Variants in ENTPD1 observed in about 807,000 individuals in gnomAD.
The protein encoded by ENTPD1 is ectonucleoside triphosphate diphosphohydrolase 1.
ENTPD1 carries 33 observed loss-of-function variants against 57.0 expected under a neutral mutation model. The ratio of observed to expected loss-of-function variants is 0.58; its 90% CI spans 0.44 to 0.77. The LOEUF is 0.77. Ranked by LOEUF, ENTPD1 falls within the 30% of genes least tolerant of loss-of-function variation. ENTPD1 has a pLI of 0.00. For missense variants in ENTPD1, 501 were observed against 603.4 expected, an observed-to-expected ratio of 0.83 and a Z score of 1.78; for synonymous variants, 202 against 218.8, an observed-to-expected ratio of 0.92 and a Z score of 0.68.
chr10:95,815,973 C>T (rs545410794), intron 1 of ENTPD1, among the ~76,000 whole-genome samples: 2 of 152,298 alleles, frequency 1.3e-5, no homozygotes, highest in Admixed American at 1.3e-4. Flanking sequence ...CCTGCACGCA[C>T]AGTGCCCTCC....
intron 7 of ENTPD1, among the ~76,000 whole-genome samples, chr10:95,858,037 A>G (rs962115767): frequency 1.3e-5 from 2 of 152,074 alleles, no homozygotes; most frequent in African/African-American, 4.8e-5. Context: ...AGGCGCCTGT[A>G]ATCCCAGCTA....
At chr10:95,766,459 T>C (rs189808235) in intron 1 of ENTPD1, among the ~76,000 whole-genome samples, 1 of 152,318 alleles carries the variant, frequency 6.6e-6, no homozygotes, top group Admixed American at 6.5e-5. Context: ...CTTCAAATAA[T>C]AATGACTTCA....
chr10:95,804,629 C>A (rs1024572466), intron 1 of ENTPD1, among the ~76,000 whole-genome samples: 1 of 152,192 alleles, frequency 6.6e-6, no homozygotes, highest in African/African-American at 2.4e-5. Flanking sequence ...ATGTCATCTG[C>A]AAACAGGGAC....
chr10:95,813,003 CTTATATA>C (rs1331021731), intron 1 of ENTPD1, among the ~76,000 whole-genome samples: 2 of 152,074 alleles, frequency 1.3e-5, no homozygotes, highest in African/African-American at 4.8e-5. Flanking sequence ...TAAAATGACG[CTTATATA>C]TTAGTGAATC....
At chr10:95,841,386 CA>C (rs397764106) in intron 3 of ENTPD1, among the ~76,000 whole-genome samples, 5 of 148,092 alleles carry the variant, frequency 3.4e-5, no homozygotes, top group South Asian at 2.1e-4. Context: ...GACTCCGTCT[CA>C]AAAAAAAAAA....
chr10:95,720,973 A>G (rs1273715429), intron 1 of ENTPD1, among the ~76,000 whole-genome samples: 3 of 152,120 alleles, frequency 2.0e-5, no homozygotes, highest in African/African-American at 7.2e-5. Flanking sequence ...TATTATAAAA[A>G]ACCGAGGTTG....
At chr10:95,780,257 A>G (rs1265917339) in intron 1 of ENTPD1, among the ~76,000 whole-genome samples, 2 of 152,208 alleles carry the variant, frequency 1.3e-5, no homozygotes, top group African/African-American at 4.8e-5. Context: ...TTTGGAAGCA[A>G]CCTAAGTGTC....
rs2098480453 is a variant in ENTPD1 at position 95,871,555 on chromosome 10, A to T, written c.*5172A>T. On this transcript the variant is annotated 3_prime_UTR_variant, in exon 10 of 10. Coordinates refer to ENST00000371205, the MANE Select transcript of ENTPD1 (RefSeq NM_001776.6). ...ACAACTGAACACAATCAGTTTTATC[A>T]CAGGTATAATGGATTTTTCAATAGT... 1 of 985,334 alleles carries T rather than the reference A, an allele frequency of 1.0e-6. No homozygotes were observed. Among genetic ancestry groups the T allele is most frequent in the Non-Finnish European group, 1.2e-6 (1 of 829,934 alleles). 61.0% of individuals were successfully genotyped at this position (985,334 alleles called of 1,614,324 possible).
Position 95,867,684 on chromosome 10 carries a change from A to G in ENTPD1, c.*1301A>G. The G allele has an allele frequency of 4.1e-6, 4 of 985,448 alleles. No homozygotes were observed. The highest frequency in any genetic ancestry group is 4.8e-6 in the Non-Finnish European group (4 of 829,952). 61.0% of individuals were successfully genotyped at this position (985,448 alleles called of 1,614,324 possible). Reference sequence around the variant, plus strand: ...GAAGAGACCCTGCACCCCTTTCCTTAAGGATTGCTGCAAGAGTTACCTGTT... The same window carrying G: ...GAAGAGACCCTGCACCCCTTTCCTTGAGGATTGCTGCAAGAGTTACCTGTT... On this transcript the variant is annotated 3_prime_UTR_variant, in exon 10 of 10. Transcript: ENST00000371205.
chr10:95,802,764 A>G (rs1404899502), intron 1 of ENTPD1, among the ~76,000 whole-genome samples: 1 of 152,158 alleles, frequency 6.6e-6, no homozygotes, highest in Non-Finnish European at 1.5e-5. Flanking sequence ...ATCTTCATCC[A>G]TGTCTCCGCA....
At chr10:95,768,389 G>A (rs938036019) in intron 1 of ENTPD1, among the ~76,000 whole-genome samples, 1 of 151,950 alleles carries the variant, frequency 6.6e-6, no homozygotes, top group Non-Finnish European at 1.5e-5. Flanking sequence ...CTTCTTCAGG[G>A]ACCTATTTGG....
intron 7 of ENTPD1, among the ~76,000 whole-genome samples, chr10:95,856,105 A>C (rs2098454202): frequency 6.6e-6 from 1 of 151,964 alleles, no homozygotes; most frequent in Non-Finnish European, 1.5e-5. Context: ...TTTTCACATA[A>C]TCCCATATTT....
chr10:95,870,823 T>G lies in ENTPD1; in HGVS notation c.*4440T>G, dbSNP rs934519305. ...TTTCTTTCCATTTGTATTAGGTCCTTTACTTTTTATAACAGCCTCAAAGTT... is the reference window on the plus strand; with the variant it reads ...TTTCTTTCCATTTGTATTAGGTCCTGTACTTTTTATAACAGCCTCAAAGTT... On this transcript the variant is annotated 3_prime_UTR_variant, in exon 10 of 10. Coordinates refer to ENST00000371205, the MANE Select transcript of ENTPD1 (RefSeq NM_001776.6). The G allele has an allele frequency of 1.3e-5, 13 of 985,462 alleles. No homozygotes were observed. The East Asian group carries it at 1.5e-3, about 112-fold the overall frequency. The allele number at this position is 985,462 out of a possible 1,614,324, so 61.0% of individuals were successfully genotyped here. A position where few individuals can be genotyped will look rare whatever the true frequency, so the allele number is the denominator to read the frequency against.
chr10:95,743,141 A>AC (rs1456307690), intron 1 of ENTPD1, among the ~76,000 whole-genome samples: 4 of 152,122 alleles, frequency 2.6e-5, no homozygotes, highest in Admixed American at 2.6e-4. Flanking sequence ...AATTTCTCAG[A>AC]CTTTTTATTT....
chr10:95,787,460 T>G (rs1423728530), intron 1 of ENTPD1, among the ~76,000 whole-genome samples: 1 of 152,206 alleles, frequency 6.6e-6, no homozygotes, highest in Non-Finnish European at 1.5e-5. Flanking sequence ...TTAAAGATAG[T>G]ATTTGGCTGT....
chr10:95,832,920 T>C (rs1322425191), intron 2 of ENTPD1, among the ~76,000 whole-genome samples: 1 of 152,222 alleles, frequency 6.6e-6, no homozygotes, highest in African/African-American at 2.4e-5. Flanking sequence ...AGATATGTCC[T>C]ATGGAAGGCC....
intron 1 of ENTPD1, among the ~76,000 whole-genome samples, chr10:95,733,991 G>A (rs902059853): frequency 6.6e-6 from 1 of 152,160 alleles, no homozygotes; most frequent in East Asian, 1.9e-4. Context: ...ACTCTTGCCT[G>A]TTCTGTGGTC....
intron 1 of ENTPD1, among the ~76,000 whole-genome samples, chr10:95,819,153 A>G (rs1251301323): frequency 6.6e-6 from 1 of 152,128 alleles, no homozygotes; most frequent in African/African-American, 2.4e-5. Context: ...GACTATGGAC[A>G]AAATTAAATA....
the ENTPD1 span, among the ~76,000 whole-genome samples, chr10:95,696,193 A>C: frequency 6.6e-6 from 1 of 152,076 alleles, no homozygotes; most frequent in Non-Finnish European, 1.5e-5. Context: ...TTTTTAGAAA[A>C]GTTATTTTTT....
Sources: gnomAD v4.1 joint callset for allele counts (sites outside exome capture counted in the v4.1 genomes callset) on GRCh38, gnomAD v4.1.1 for gene constraint, MANE v1.5 for transcripts, NCBI Gene and HGNC (gene_info 2026-07-23, HGNC 2026-07-21) for gene names.